The following SHISA6 variants were observed in gnomAD, a reference collection of about 807,000 sequenced individuals.
The protein encoded by SHISA6 is shisa family member 6.
In SHISA6, 22 loss-of-function variants were observed where a neutral mutation model predicts 47.9. That is an observed-to-expected ratio of 0.46 (90% CI 0.33 to 0.66). The LOEUF is 0.66. SHISA6 is among the 30% of genes least tolerant of loss of function. The pLI, the probability that SHISA6 is intolerant of heterozygous loss-of-function variation, is 0.02. For synonymous variants in SHISA6, 388 were observed against 337.8 expected (o/e 1.15, Z -1.63); for missense variants, 680 against 764.6 (o/e 0.89, Z 1.30).
chr17:11,256,354 G>A (rs1192496039), intron 1 of SHISA6, among the ~76,000 whole-genome samples: 1 of 152,130 alleles, frequency 6.6e-6, no homozygotes, highest in African/African-American at 2.4e-5. Context: ...AAAGTAGCTG[G>A]GCGTGGTGAC....
chr17:11,253,752 G>C (rs546133046), intron 1 of SHISA6, among the ~76,000 whole-genome samples: 1 of 151,928 alleles, frequency 6.6e-6, no homozygotes, highest in Non-Finnish European at 1.5e-5. Context: ...CTATTTCCTT[G>C]AGTTTTTAGA....
chr17:11,417,738 G>A (rs899493745), intron 3 of SHISA6, among the ~76,000 whole-genome samples: 2 of 152,206 alleles, frequency 1.3e-5, no homozygotes, highest in African/African-American at 4.8e-5. Flanking sequence ...TTCTGGAATT[G>A]GAGCTAGCAT....
At chr17:11,254,914 A>T (rs1428704615) in intron 1 of SHISA6, among the ~76,000 whole-genome samples, 1 of 152,200 alleles carries the variant, frequency 6.6e-6, no homozygotes, top group Non-Finnish European at 1.5e-5. Flanking sequence ...TGGGGTTATA[A>T]TTCTATGGTA....
intron 3 of SHISA6, among the ~76,000 whole-genome samples, chr17:11,509,608 C>A (rs1436243634): frequency 6.6e-6 from 1 of 152,184 alleles, no homozygotes; most frequent in African/African-American, 2.4e-5. Flanking sequence ...GCCTCCCAGT[C>A]TCTCCAAAAC....
At chr17:11,419,858 T>C (rs1914403179) in intron 3 of SHISA6, among the ~76,000 whole-genome samples, 1 of 152,154 alleles carries the variant, frequency 6.6e-6, no homozygotes, top group African/African-American at 2.4e-5. Context: ...TTTTGCAGTT[T>C]TGTGTTCATG....
chr17:11,364,089 G>A (rs1028340219), intron 2 of SHISA6, among the ~76,000 whole-genome samples: 1 of 152,080 alleles, frequency 6.6e-6, no homozygotes, highest in Non-Finnish European at 1.5e-5. Flanking sequence ...CCCCAATTTG[G>A]TGACTTGCCT....
intron 3 of SHISA6, among the ~76,000 whole-genome samples, chr17:11,400,222 T>C (rs1266237725): frequency 2.6e-5 from 4 of 152,178 alleles, no homozygotes; most frequent in Admixed American, 2.6e-4. Flanking sequence ...TAAAGCTTTT[T>C]AGCAGAGAAG....
chr17:11,341,328 CTTTTTTT>C (rs71367322), intron 2 of SHISA6, among the ~76,000 whole-genome samples: 94 of 88,820 alleles, frequency 1.1e-3, no homozygotes, highest in Non-Finnish European at 1.3e-3. Context: ...CTCTCTCTCT[CTTTTTTT>C]TTTTTTTTTT....
At chr17:11,259,756 A>T (rs1342141755) in intron 1 of SHISA6, among the ~76,000 whole-genome samples, 1 of 152,230 alleles carries the variant, frequency 6.6e-6, no homozygotes, top group Non-Finnish European at 1.5e-5. Flanking sequence ...CCCAAATATT[A>T]ACTGGCATTT....
chr17:11,356,595 T>G (rs1216334035), intron 2 of SHISA6, among the ~76,000 whole-genome samples: 3 of 152,148 alleles, frequency 2.0e-5, no homozygotes, highest in African/African-American at 7.2e-5. Context: ...ACACTCCATC[T>G]GCTTGGCCTC....
intron 3 of SHISA6, among the ~76,000 whole-genome samples, chr17:11,539,643 G>T (rs1201546991): frequency 1.3e-5 from 2 of 152,232 alleles, no homozygotes; most frequent in South Asian, 4.1e-4. Context: ...GCTAACTGCT[G>T]CTGGTGGTCC....
chr17:11,534,808 A>G (rs1054926057), intron 3 of SHISA6, among the ~76,000 whole-genome samples: 1 of 152,134 alleles, frequency 6.6e-6, no homozygotes, highest in Non-Finnish European at 1.5e-5. Context: ...GGAAAGATCA[A>G]TAAGGGGTTG....
intron 3 of SHISA6, among the ~76,000 whole-genome samples, chr17:11,521,074 T>A (rs1195123202): frequency 6.6e-6 from 1 of 152,186 alleles, no homozygotes; most frequent in African/African-American, 2.4e-5. Context: ...TGCTTTGGAT[T>A]TAAAGCTTGG....
chr17:11,326,257 T>G (rs1597459496), intron 2 of SHISA6, among the ~76,000 whole-genome samples: 1 of 141,050 alleles, frequency 7.1e-6, no homozygotes, highest in Non-Finnish European at 1.5e-5. Context: ...GGCGACAGAG[T>G]GAGACTCCAT....
At chr17:11,502,188 T>A (rs191303496) in intron 3 of SHISA6, among the ~76,000 whole-genome samples, 2 of 151,164 alleles carry the variant, frequency 1.3e-5, no homozygotes, top group Admixed American at 6.6e-5. Context: ...GGCGGGCGGA[T>A]CACGAGGTCA....
intron 2 of SHISA6, among the ~76,000 whole-genome samples, chr17:11,368,359 C>T (rs1051963174): frequency 5.9e-5 from 9 of 152,242 alleles, no homozygotes; most frequent in African/African-American, 1.9e-4. Context: ...AAAGCACATT[C>T]AGGAGAATCG....
intron 4 of SHISA6, among the ~76,000 whole-genome samples, chr17:11,554,065 G>A (rs1258676780): frequency 6.6e-6 from 1 of 152,172 alleles, no homozygotes; most frequent in African/African-American, 2.4e-5. Flanking sequence ...ATTGCATTTG[G>A]AAGTGGGTGA....
rs977045144 is a variant in SHISA6, at chr17:11,558,643, C to T, written c.*339C>T. On this transcript the variant is annotated 3_prime_UTR_variant, in exon 6 of 6. Coordinates refer to ENST00000441885, the MANE Select transcript of SHISA6 (RefSeq NM_207386.4). ...CCTTCTCCCCATCCGGGGGACTCAG[C>T]TGCAGGTTCTGTCAGCAGAGAGACC... is the stretch of plus-strand genomic sequence containing the variant. The T allele has an allele frequency of 2.8e-6, 1 of 358,478 alleles. No homozygotes were observed. The highest frequency in any genetic ancestry group is 5.6e-5 in the East Asian group (1 of 17,980). The allele number at this position is 358,478 out of a possible 1,614,324, so 22.2% of individuals were successfully genotyped here.
intron 2 of SHISA6, among the ~76,000 whole-genome samples, chr17:11,341,449 C>T (rs1283621418): frequency 6.6e-6 from 1 of 150,628 alleles, no homozygotes; most frequent in Non-Finnish European, 1.5e-5. Context: ...ATTCTCTTGC[C>T]TCAGCCTCCT....
Sources: gnomAD v4.1 joint callset for allele counts (sites outside exome capture counted in the v4.1 genomes callset) on GRCh38, gnomAD v4.1.1 for gene constraint, MANE v1.5 for transcripts, NCBI Gene and HGNC (gene_info 2026-07-23, HGNC 2026-07-21) for gene names.